Variants in TRHDE observed in about 807,000 individuals in gnomAD.
The protein encoded by TRHDE is thyrotropin releasing hormone degrading enzyme.
In TRHDE, 72 loss-of-function variants were observed where a neutral mutation model predicts 125.7. The ratio of observed to expected loss-of-function variants is 0.57; its 90% CI spans 0.47 to 0.70. TRHDE has a LOEUF of 0.70. Ranked by LOEUF, TRHDE falls within the 30% of genes least tolerant of loss-of-function variation. The probability of loss-of-function intolerance (pLI) is 0.00; values close to 1 mark genes in which losing one functional copy is unlikely to be tolerated. For missense variants in TRHDE, 1,110 were observed against 1,327.1 expected, an observed-to-expected ratio of 0.84 and a Z score of 2.54; for synonymous variants, 509 against 509.1, an observed-to-expected ratio of 1.00 and a Z score of 0.00.
At chr12:72,291,887 A>G (rs1425801794) in intron 2 of TRHDE, among the ~76,000 whole-genome samples, 1 of 152,200 alleles carries the variant, frequency 6.6e-6, no homozygotes, top group Non-Finnish European at 1.5e-5. Context: ...TTTGCAATGG[A>G]ATTGAATAAC....
At chr12:72,244,267 G>T (rs1041142843) in intron 2 of TRHDE, among the ~76,000 whole-genome samples, 1 of 152,114 alleles carries the variant, frequency 6.6e-6, no homozygotes, top group Admixed American at 6.5e-5. Flanking sequence ...CATAACAGCA[G>T]CCTTCAACCT....
chr12:72,314,229 T>C (rs1015127941), intron 2 of TRHDE, among the ~76,000 whole-genome samples: 1 of 151,778 alleles, frequency 6.6e-6, no homozygotes, highest in Non-Finnish European at 1.5e-5. Flanking sequence ...CACCAGGTCT[T>C]GTCTTGTCAT....
chr12:72,316,188 C>A (rs1023276421), intron 2 of TRHDE, among the ~76,000 whole-genome samples: 1 of 152,130 alleles, frequency 6.6e-6, no homozygotes, highest in Non-Finnish European at 1.5e-5. Flanking sequence ...CTTGGAATAG[C>A]ATTATACACA....
intron 2 of TRHDE, among the ~76,000 whole-genome samples, chr12:72,148,749 A>G (rs1277093929): frequency 6.6e-6 from 1 of 152,150 alleles, no homozygotes; most frequent in Non-Finnish European, 1.5e-5. Flanking sequence ...GCACGTTTCA[A>G]TCTCCTATGA....
chr12:72,532,293 T>A (rs753159392), intron 6 of TRHDE, among the ~76,000 whole-genome samples: 4 of 151,784 alleles, frequency 2.6e-5, no homozygotes, highest in Non-Finnish European at 5.9e-5. Flanking sequence ...ATTAACTTAA[T>A]GAATAAATAA....
intron 2 of TRHDE, among the ~76,000 whole-genome samples, chr12:72,346,542 A>G (rs1870336789): frequency 6.6e-6 from 1 of 151,784 alleles, no homozygotes; most frequent in African/African-American, 2.4e-5. Context: ...CCATTTCCCA[A>G]TTTGTCTGCC....
At chr12:72,148,880 A>G (rs895757818) in intron 2 of TRHDE, among the ~76,000 whole-genome samples, 2 of 152,214 alleles carry the variant, frequency 1.3e-5, no homozygotes, top group African/African-American at 4.8e-5. Flanking sequence ...AAAGTATGTC[A>G]GTATGATTTA....
intron 3 of TRHDE, among the ~76,000 whole-genome samples, chr12:72,456,960 T>C (rs903782207): frequency 1.3e-5 from 2 of 152,166 alleles, no homozygotes; most frequent in African/African-American, 4.8e-5. Context: ...GAAACTCTTC[T>C]GTGAAAAAAT....
chr12:72,341,533 C>T (rs1238381671), intron 2 of TRHDE, among the ~76,000 whole-genome samples: 2 of 152,008 alleles, frequency 1.3e-5, no homozygotes, highest in Non-Finnish European at 2.9e-5. Flanking sequence ...ATTGTTATTC[C>T]ATAGATGAAA....
chr12:72,138,908 A>C (rs183419611), intron 2 of TRHDE, among the ~76,000 whole-genome samples: 1 of 152,334 alleles, frequency 6.6e-6, no homozygotes, highest in Non-Finnish European at 1.5e-5. Flanking sequence ...AAGTTATGCA[A>C]AAAGCAGCAC....
intron 2 of TRHDE, among the ~76,000 whole-genome samples, chr12:72,184,065 A>T (rs1005515026): frequency 1.3e-4 from 20 of 152,256 alleles, no homozygotes; most frequent in African/African-American, 4.8e-4. Flanking sequence ...TAGAAGCAGT[A>T]CAACACAAAT....
At chr12:72,629,925 A>G (rs1263300895) in intron 15 of TRHDE, among the ~76,000 whole-genome samples, 1 of 151,512 alleles carries the variant, frequency 6.6e-6, no homozygotes, top group African/African-American at 2.4e-5. Flanking sequence ...AAATGAAAAT[A>G]ATTTATGTTA....
At chr12:72,376,983 A>G (rs1871915731) in intron 2 of TRHDE, among the ~76,000 whole-genome samples, 1 of 152,132 alleles carries the variant, frequency 6.6e-6, no homozygotes. Context: ...GCTGGTGGCC[A>G]ACACCTTCAT....
chr12:72,175,192 T>G (rs1462760927), intron 2 of TRHDE, among the ~76,000 whole-genome samples: 1 of 152,222 alleles, frequency 6.6e-6, no homozygotes, highest in Non-Finnish European at 1.5e-5. Flanking sequence ...CATTCAATTC[T>G]TTGCTTCTAT....
intron 2 of TRHDE, among the ~76,000 whole-genome samples, chr12:72,114,472 G>A (rs1457658750): frequency 2.0e-5 from 3 of 151,928 alleles, no homozygotes; most frequent in Non-Finnish European, 4.4e-5. Context: ...ATGTTATTAG[G>A]GAAAATCATA....
At chr12:72,334,625 C>A (rs1869750075) in intron 2 of TRHDE, among the ~76,000 whole-genome samples, 1 of 152,218 alleles carries the variant, frequency 6.6e-6, no homozygotes, top group African/African-American at 2.4e-5. Flanking sequence ...GCCCTTGTAG[C>A]TCTTGTCTGA....
intron 6 of TRHDE, among the ~76,000 whole-genome samples, chr12:72,510,702 A>T (rs764881802): frequency 5.1e-4 from 77 of 152,194 alleles, no homozygotes; most frequent in Non-Finnish European, 1.0e-3. Context: ...ACTAGCATGC[A>T]TATAAAAAAT....
intron 2 of TRHDE, among the ~76,000 whole-genome samples, chr12:72,332,295 T>C (rs932166525): frequency 3.9e-5 from 6 of 152,164 alleles, no homozygotes; most frequent in Non-Finnish European, 7.3e-5. Context: ...CCCGCCACCA[T>C]GCCTGGCTAA....
chr12:72,388,047 T>C (rs565326154), intron 3 of TRHDE, among the ~76,000 whole-genome samples: 6 of 151,720 alleles, frequency 4.0e-5, no homozygotes, highest in Non-Finnish European at 7.4e-5. Flanking sequence ...GACCCTCTAA[T>C]CTCATTTATT....
Sources: allele counts gnomAD v4.1 joint callset (sites outside exome capture counted in the v4.1 genomes callset), GRCh38; gene constraint gnomAD v4.1.1; transcripts MANE v1.5; gene names NCBI Gene and HGNC (gene_info 2026-07-23, HGNC 2026-07-21).